CNNM2: variants seen among roughly 807,000 people sequenced by gnomAD.
CNNM2 encodes metal transporter CNNM2.
CNNM2 carries 12 observed loss-of-function variants against 66.9 expected under a neutral mutation model. The ratio of observed to expected loss-of-function variants is 0.18; its 90% CI spans 0.11 to 0.29. The LOEUF is 0.29. Among genes scored for constraint, CNNM2 ranks in the 10% least tolerant of loss-of-function variants. CNNM2 has a pLI of 1.00. For missense variants in CNNM2, 705 were observed against 1,167.7 expected (o/e 0.60, Z 5.77); for synonymous variants, 557 against 501.8 (o/e 1.11, Z -1.47).
intron 2 of CNNM2, among the ~76,000 whole-genome samples, chr10:103,053,582 A>G (rs1001871369): frequency 6.6e-6 from 1 of 152,234 alleles, no homozygotes; most frequent in African/African-American, 2.4e-5. Context: ...ATGCAATTCA[A>G]ATTGCAGTGT....
At chr10:103,001,954 C>T (rs1230031233) in intron 1 of CNNM2, among the ~76,000 whole-genome samples, 1 of 152,152 alleles carries the variant, frequency 6.6e-6, no homozygotes, top group South Asian at 2.1e-4. Context: ...CGAGGTCCTG[C>T]CACTGCGCCC....
Position 103,084,691 on chromosome 10 carries a change from A to T in CNNM2, c.*7511A>T, listed in dbSNP as rs1053367918. 3 of 152,094 alleles carry T rather than the reference A, an allele frequency of 2.0e-5. No homozygotes were observed. Among genetic ancestry groups the T allele is most frequent in the Non-Finnish European group, 4.4e-5 (3 of 68,016 alleles). The allele number at this position is 152,094 out of a possible 1,614,324, so 9.4% of individuals were successfully genotyped here. A position where few individuals can be genotyped will look rare whatever the true frequency, so the allele number is the denominator to read the frequency against. On this transcript the variant is annotated 3_prime_UTR_variant, in exon 8 of 8. Coordinates refer to ENST00000369878, the MANE Select transcript of CNNM2 (RefSeq NM_017649.5). ...CCTCAGAGTGCGCACACATCCGCTC[A>T]TTTCTAAGCTTTATCGTGATGCACC...
intron 4 of CNNM2, among the ~76,000 whole-genome samples, chr10:103,060,376 AT>A (rs766620091): frequency 2.6e-5 from 4 of 152,192 alleles, no homozygotes; most frequent in Non-Finnish European, 5.9e-5. Flanking sequence ...AGCCTGGGCA[AT>A]GTGGTGAAAC....
rs972942464 is a variant in CNNM2, at chr10:102,985,609, A to C, written c.1622-64098A>C. Reference sequence around the variant, plus strand: ...CTTAGTCATGTTCTTTCTAGCCATCAAGTCTCCAAACTGCGTGGCCAGACA... The same window carrying C: ...CTTAGTCATGTTCTTTCTAGCCATCCAGTCTCCAAACTGCGTGGCCAGACA... On this transcript the variant is annotated intron_variant, in intron 1 of 7. Transcript: ENST00000369878. Among the ~76,000 whole-genome samples, 5 of 152,180 alleles carry C rather than the reference A, an allele frequency of 3.3e-5. No individual in the cohort carries two copies. In the East Asian group the frequency reaches 9.6e-4, roughly 29 times the overall value.
intron 1 of CNNM2, among the ~76,000 whole-genome samples, chr10:102,970,091 G>T (rs541441837): frequency 3.3e-5 from 5 of 152,298 alleles, no homozygotes; most frequent in East Asian, 1.9e-4. Context: ...ACTACCTGTG[G>T]CCTGCCACCT....
chr10:102,927,298 A>C, intron 1 of CNNM2: 1 of 1,611,268 alleles, frequency 6.2e-7, no homozygotes, highest in Non-Finnish European at 8.5e-7. Flanking sequence ...AGGATTGAAT[A>C]CAGTTTTTTA....
chr10:102,966,158 A>T (rs983122418), intron 1 of CNNM2, among the ~76,000 whole-genome samples: 3 of 152,218 alleles, frequency 2.0e-5, no homozygotes, highest in African/African-American at 7.2e-5. Flanking sequence ...TGATTTCTGT[A>T]CTTGTATGAT....
rs891220163 is a variant in CNNM2, at chr10:103,005,135, G to A, written c.1622-44572G>A. ...TTTCCCTGTTGGCCAGGCTGGTCTC[G>A]AACTCATGACCTCAAGTGATCCACC... On this transcript the variant is annotated intron_variant, in intron 1 of 7. Transcript: ENST00000369878. Among the ~76,000 whole-genome samples the A allele has an allele frequency of 7.3e-5, 11 of 151,642 alleles. No individual in the cohort carries two copies. The East Asian group carries it at 2.0e-3, about 27-fold the overall frequency.
At chr10:103,018,786 G>C (rs924562991) in intron 1 of CNNM2, among the ~76,000 whole-genome samples, 2 of 142,448 alleles carry the variant, frequency 1.4e-5, no homozygotes, top group East Asian at 4.1e-4. Context: ...AGCCCCCCGA[G>C]TAGCTGGGAT....
rs182004115 is a variant in CNNM2 at position 102,973,170 on chromosome 10, G to A, written c.1621+53069G>A. On this transcript the variant is annotated intron_variant, in intron 1 of 7. Coordinates refer to ENST00000369878, the MANE Select transcript of CNNM2 (RefSeq NM_017649.5). Reference sequence around the variant, plus strand: ...TTTCCATACTGGCCTTCATGTTCCTGAGTGGTCTCTTCTCTTCTAGTGTTT... The same window carrying A: ...TTTCCATACTGGCCTTCATGTTCCTAAGTGGTCTCTTCTCTTCTAGTGTTT... Among the ~76,000 whole-genome samples the A allele has an allele frequency of 7.7e-4, 116 of 151,286 alleles. No homozygotes were observed. In the East Asian group the frequency reaches 0.021, roughly 27 times the overall value.
chr10:103,015,946 C>A (rs1199708580), intron 1 of CNNM2, among the ~76,000 whole-genome samples: 1 of 152,126 alleles, frequency 6.6e-6, no homozygotes, highest in East Asian at 1.9e-4. Flanking sequence ...TCACCCCAGG[C>A]CTGGCTGGAT....
intron 1 of CNNM2, among the ~76,000 whole-genome samples, chr10:102,926,276 G>A (rs374599765): frequency 3.0e-4 from 46 of 152,288 alleles, no homozygotes; most frequent in African/African-American, 9.4e-4. Flanking sequence ...TAGGATCACC[G>A]AAGTCTGAGC....
chr10:102,919,909 G>T lies in CNNM2; in HGVS notation c.1429G>T (p.Gly477Cys). ...FNTMSEIMESGYTRIPVFEGE... is the reference protein window; with the variant it reads ...FNTMSEIMESCYTRIPVFEGE... ...CACCATGTCTGAGATCATGGAGAGC[G>T]GCTACACCCGCATTCCAGTGTTTGA... is the stretch of plus-strand genomic sequence containing the variant. Residue 477 changes from glycine (G) to cysteine (C), a missense_variant, in exon 1 of 8, where the codon GGC becomes TGC. This residue lies in a region of CNNM2 where 171 missense variants were observed against 304.8 expected (regional missense o/e 0.56). Transcript: ENST00000369878. 1 of 1,614,198 alleles carries T rather than the reference G, an allele frequency of 6.2e-7. No homozygotes were observed. The highest frequency in any genetic ancestry group is 8.5e-7 in the Non-Finnish European group (1 of 1,180,036).
At chr10:102,943,235 AC>A (rs1407153887) in intron 1 of CNNM2, among the ~76,000 whole-genome samples, 1 of 151,972 alleles carries the variant, frequency 6.6e-6, no homozygotes, top group Non-Finnish European at 1.5e-5. Flanking sequence ...AAAAAAACAA[AC>A]AAAAACCAAA....
intron 1 of CNNM2, among the ~76,000 whole-genome samples, chr10:103,021,275 A>C (rs2064574408): frequency 6.6e-6 from 1 of 152,156 alleles, no homozygotes; most frequent in African/African-American, 2.4e-5. Context: ...GGAGAATGTA[A>C]GGAAACCAAA....
intron 1 of CNNM2, among the ~76,000 whole-genome samples, chr10:102,979,876 A>C (rs139912319): frequency 0.015 from 2,320 of 152,168 alleles, 33 homozygotes; most frequent in Non-Finnish European, 0.024. Context: ...CCTACTCTCC[A>C]AAGTTAACTA....
In CNNM2 at chr10:103,049,867, G is replaced by C; in HGVS notation, c.1765+17G>C. The C allele has an allele frequency of 6.2e-7, 1 of 1,609,542 alleles. No homozygotes were observed. The highest frequency in any genetic ancestry group is 8.5e-7 in the Non-Finnish European group (1 of 1,177,322). On this transcript the variant is annotated intron_variant, in intron 2 of 7. Coordinates refer to ENST00000369878, the MANE Select transcript of CNNM2 (RefSeq NM_017649.5). ...ATTTATACAGTAAGTAGCATTGTCT[G>C]AGTGTATTTCCCGAAACCTTTGCTT... is the stretch of plus-strand genomic sequence containing the variant.
chr10:102,920,321 C>T (rs1457988016), intron 1 of CNNM2, among the ~76,000 whole-genome samples: 2 of 151,984 alleles, frequency 1.3e-5, no homozygotes, highest in African/African-American at 2.4e-5. Context: ...CCATCACTTA[C>T]TTTTTCCCAT....
chr10:102,964,976 C>T (rs935759602), intron 1 of CNNM2, among the ~76,000 whole-genome samples: 1 of 152,146 alleles, frequency 6.6e-6, no homozygotes, highest in African/African-American at 2.4e-5. Flanking sequence ...CTCTTCTGCC[C>T]TCTGCGGTGT....
Sources: gnomAD v4.1 joint callset for allele counts (sites outside exome capture counted in the v4.1 genomes callset) on GRCh38, gnomAD v4.1.1 for gene constraint, gnomAD v4.1.1 regional missense constraint, MANE v1.5 for transcripts, NCBI Gene and HGNC (gene_info 2026-07-23, HGNC 2026-07-21) for gene names.